The following YWHAE variants were observed in gnomAD, a reference collection of about 807,000 sequenced individuals.
YWHAE encodes the protein tyrosine 3-monooxygenase/tryptophan 5-monooxygenase activation protein epsilon.
Under a neutral mutation model 30.1 loss-of-function variants are expected in YWHAE, and 4 were observed. That is an observed-to-expected ratio of 0.13 (90% CI 0.07 to 0.30). The LOEUF (loss-of-function observed/expected upper bound fraction) is 0.30. Among genes scored for constraint, YWHAE ranks in the 10% least tolerant of loss-of-function variants. The pLI is 1.00. For synonymous variants in YWHAE, 118 were observed against 111.8 expected, an observed-to-expected ratio of 1.06 and a Z score of -0.35; for missense variants, 121 against 315.9, an observed-to-expected ratio of 0.38 and a Z score of 4.68.
intron 1 of YWHAE, among the ~76,000 whole-genome samples, chr17:1,384,742 G>C (rs924556722): frequency 2.6e-5 from 4 of 151,974 alleles, no homozygotes; most frequent in Non-Finnish European, 4.4e-5. Flanking sequence ...TTTTTCTCTT[G>C]TTGCTCAGGC....
intron 1 of YWHAE, among the ~76,000 whole-genome samples, chr17:1,390,325 A>G (rs1311583925): frequency 1.3e-5 from 2 of 152,242 alleles, no homozygotes; most frequent in African/African-American, 2.4e-5. Context: ...GCAAATTTAC[A>G]GATGTAAGAT....
At chr17:1,382,534 G>C (rs1273694400) in intron 1 of YWHAE, among the ~76,000 whole-genome samples, 3 of 148,814 alleles carry the variant, frequency 2.0e-5, no homozygotes, top group East Asian at 2.0e-4. Context: ...TTTTTTTTTT[G>C]TATCTTTAGT....
At chr17:1,389,501 G>A (rs1258393447) in intron 1 of YWHAE, among the ~76,000 whole-genome samples, 3 of 151,568 alleles carry the variant, frequency 2.0e-5, no homozygotes, top group Non-Finnish European at 4.4e-5. Context: ...TGGCTAAAAT[G>A]CGAACATTTA....
chr17:1,365,021 A>G lies in YWHAE; in HGVS notation c.102T>C (p.Asp34=). The G allele has an allele frequency of 6.2e-7, 1 of 1,614,148 alleles. No individual in the cohort carries two copies. Among genetic ancestry groups the G allele is most frequent in the Non-Finnish European group, 8.5e-7 (1 of 1,180,028 alleles). The change falls in exon 2 of 6, where the codon GAT becomes GAC. Residue 34 remains aspartate, a synonymous_variant. Coordinates refer to ENST00000264335, the MANE Select transcript of YWHAE (RefSeq NM_006761.5). The stretch of plus-strand genomic sequence containing the variant: ...TTCTTTCTTCAACTGTCAGCTCCAC[A>G]TCCATCCCTGCTACTTTCTTCATTG... ...VESMKKVAGM[D]VELTVEERNL... is the part of the protein sequence containing the mutation.
chr17:1,393,942 C>A (rs995461377), intron 1 of YWHAE, among the ~76,000 whole-genome samples: 1 of 152,086 alleles, frequency 6.6e-6, no homozygotes. Flanking sequence ...AAGATTTTGT[C>A]TACAATTCAC....
chr17:1,386,951 C>G, intron 1 of YWHAE, among the ~76,000 whole-genome samples: 1 of 110,454 alleles, frequency 9.1e-6, no homozygotes, highest in South Asian at 2.8e-4. Flanking sequence ...GAGACTCCGT[C>G]TCAAAAGGAA....
intron 1 of YWHAE, among the ~76,000 whole-genome samples, chr17:1,370,167 A>C (rs1168721575): frequency 4.8e-4 from 58 of 119,950 alleles, no homozygotes; most frequent in South Asian, 1.0e-3. Flanking sequence ...TCGCTCTGTC[A>C]CCAGGCTGGA....
intron 1 of YWHAE, among the ~76,000 whole-genome samples, chr17:1,384,129 A>T (rs567655036): frequency 6.6e-6 from 1 of 152,296 alleles, no homozygotes; most frequent in African/African-American, 2.4e-5. Context: ...GCTTGAACCC[A>T]GGAGGCGAAA....
intron 5 of YWHAE, chr17:1,347,900 G>A (rs2072553384): frequency 1.1e-6 from 1 of 907,554 alleles, no homozygotes; most frequent in Admixed American, 6.0e-5. Context: ...ATCATACGCA[G>A]GCATGATTAG....
chr17:1,349,273 T>C (rs1488546926), intron 5 of YWHAE, among the ~76,000 whole-genome samples: 1 of 151,804 alleles, frequency 6.6e-6, no homozygotes, highest in Non-Finnish European at 1.5e-5. Context: ...ACCCGGGAGG[T>C]GGAAGCTGCA....
At chr17:1,395,389 T>C (rs1384012360) in intron 1 of YWHAE, among the ~76,000 whole-genome samples, 1 of 151,898 alleles carries the variant, frequency 6.6e-6, no homozygotes, top group Non-Finnish European at 1.5e-5. Flanking sequence ...ATTAGCCGAG[T>C]GTGGTGGCAC....
intron 1 of YWHAE, among the ~76,000 whole-genome samples, chr17:1,379,303 G>A (rs925069403): frequency 2.6e-5 from 4 of 152,004 alleles, no homozygotes; most frequent in South Asian, 4.1e-4. Context: ...TGGGGAGCAC[G>A]GCAAAACTCC....
At position 1,400,137 on chromosome 17, in the gene YWHAE, C is replaced by A. The variant is rs1217520095; in HGVS notation, c.-27G>T. The A allele has an allele frequency of 6.2e-7, 1 of 1,613,722 alleles. No homozygotes were observed. Among genetic ancestry groups the A allele is most frequent in the South Asian group, 1.1e-5 (1 of 91,086 alleles). ...GCGGCAGCGGCTCCGGCAGGGTCTG[C>A]GCGACGGATGGAAGCGGATAGTGTC... is the stretch of plus-strand genomic sequence containing the variant. On this transcript the variant is annotated 5_prime_UTR_variant, in exon 1 of 6. Coordinates refer to ENST00000264335, the MANE Select transcript of YWHAE (RefSeq NM_006761.5).
At chr17:1,351,046 G>C (rs1381759482) in intron 5 of YWHAE, among the ~76,000 whole-genome samples, 1 of 150,490 alleles carries the variant, frequency 6.6e-6, no homozygotes, top group African/African-American at 2.5e-5. Flanking sequence ...GCAACAGGGA[G>C]AGACTCCGTC....
intron 5 of YWHAE, among the ~76,000 whole-genome samples, chr17:1,352,559 C>T (rs886948334): frequency 4.6e-5 from 7 of 150,646 alleles, no homozygotes; most frequent in African/African-American, 1.7e-4. Flanking sequence ...GAGTCTTCCT[C>T]TGTAGCCCAG....
intron 1 of YWHAE, among the ~76,000 whole-genome samples, chr17:1,365,857 C>T (rs190118727): frequency 1.3e-5 from 2 of 152,170 alleles, no homozygotes; most frequent in African/African-American, 4.8e-5. Flanking sequence ...GCTCATACCC[C>T]TAGCACTTTG....
intron 1 of YWHAE, among the ~76,000 whole-genome samples, chr17:1,373,472 T>C (rs917996723): frequency 1.3e-5 from 2 of 151,516 alleles, no homozygotes; most frequent in African/African-American, 2.4e-5. Flanking sequence ...GAGACCATCC[T>C]GGCTAACACG....
intron 5 of YWHAE, among the ~76,000 whole-genome samples, chr17:1,352,912 A>C (rs1439415610): frequency 1.3e-5 from 2 of 152,082 alleles, no homozygotes; most frequent in African/African-American, 4.8e-5. Flanking sequence ...CCACCACCAA[A>C]TGTAAAACTA....
intron 4 of YWHAE, among the ~76,000 whole-genome samples, chr17:1,358,042 T>C (rs1598234311): frequency 2.6e-5 from 4 of 151,752 alleles, no homozygotes; most frequent in African/African-American, 9.7e-5. Flanking sequence ...GAGGTTACTA[T>C]CTGGAATAAT....
Sources: allele counts gnomAD v4.1 joint callset (sites outside exome capture counted in the v4.1 genomes callset), GRCh38; gene constraint gnomAD v4.1.1; transcripts MANE v1.5; gene names NCBI Gene and HGNC (gene_info 2026-07-23, HGNC 2026-07-21).